TENM3: variants seen among roughly 807,000 people sequenced by gnomAD.
The protein encoded by TENM3 is teneurin transmembrane protein 3.
Under a neutral mutation model 255.1 loss-of-function variants are expected in TENM3, and 63 were observed. The ratio of observed to expected loss-of-function variants is 0.25; its 90% CI spans 0.20 to 0.30. The LOEUF is 0.30. Ranked by LOEUF, TENM3 falls within the 10% of genes least tolerant of loss-of-function variation. TENM3 has a pLI of 1.00. For synonymous variants in TENM3, 1,306 were observed against 1,322.3 expected (o/e 0.99, Z 0.27); for missense variants, 2,929 against 3,461.1 (o/e 0.85, Z 3.86).
chr4:182,257,013 A>C (rs536318679), intron 1 of TENM3, among the ~76,000 whole-genome samples: 4 of 152,112 alleles, frequency 2.6e-5, no homozygotes, highest in Non-Finnish European at 5.9e-5. Context: ...GGTAGTGAAT[A>C]TATTCAAGGT....
In TENM3 at chr4:182,729,114, C is replaced by A. The variant is rs2152708319; in HGVS notation, c.2518C>A (p.Arg840=). 1 of 1,613,928 alleles carries A rather than the reference C, an allele frequency of 6.2e-7. No individual in the cohort carries two copies. The highest frequency in any genetic ancestry group is 1.1e-5 in the South Asian group (1 of 91,078). Reference sequence around the variant, plus strand: ...GCAAGCTGCCAAATCCTTTTATGATCGAATCAGTTTCCTTATAGGATCTGA... The same window carrying A: ...GCAAGCTGCCAAATCCTTTTATGATAGAATCAGTTTCCTTATAGGATCTGA... ...SQQAAKSFYD[R]ISFLIGSDST... is the part of the protein sequence containing the mutation. Residue 840 remains arginine (R), a synonymous_variant, in exon 14 of 28, where the codon CGA becomes AGA. Coordinates refer to ENST00000511685, the MANE Select transcript of TENM3 (RefSeq NM_001080477.4).
chr4:182,059,613 A>T, the TENM3 span, among the ~76,000 whole-genome samples: 3 of 152,236 alleles, frequency 2.0e-5, no homozygotes, highest in South Asian at 6.2e-4. Flanking sequence ...TATTTCCTTA[A>T]GAATAGTCTG....
At chr4:181,900,342 A>G in the TENM3 span, among the ~76,000 whole-genome samples, 2 of 152,222 alleles carry the variant, frequency 1.3e-5, no homozygotes, top group African/African-American at 2.4e-5. Context: ...ATCATTCAAA[A>G]GTTCACAAAA....
chr4:182,783,538 A>T lies in TENM3; in HGVS notation c.5305-5555A>T, dbSNP rs535948699. Among the ~76,000 whole-genome samples the T allele has an allele frequency of 3.9e-4, 59 of 150,994 alleles. No individual in the cohort carries two copies. The East Asian group carries it at 0.011, about 29-fold the overall frequency. ...TGAATCTGACAATTATGTGTCTTGGAGTTGCTCTTCTCGAGGAGTATCTTT... is the reference window on the plus strand; with the variant it reads ...TGAATCTGACAATTATGTGTCTTGGTGTTGCTCTTCTCGAGGAGTATCTTT... On this transcript the variant is annotated intron_variant, in intron 24 of 27. Coordinates refer to ENST00000511685, the MANE Select transcript of TENM3 (RefSeq NM_001080477.4).
At chr4:181,928,381 C>T in the TENM3 span, among the ~76,000 whole-genome samples, 1 of 151,596 alleles carries the variant, frequency 6.6e-6, no homozygotes, top group African/African-American at 2.4e-5. Context: ...CTTCGTGAAG[C>T]ATACACAAGT....
At chr4:182,165,689 A>G (rs1318233136) in intron 1 of TENM3, among the ~76,000 whole-genome samples, 1 of 152,242 alleles carries the variant, frequency 6.6e-6, no homozygotes, top group Non-Finnish European at 1.5e-5. Context: ...TTATTGCAGC[A>G]TGCAGCACAT....
the TENM3 span, among the ~76,000 whole-genome samples, chr4:181,977,881 G>C: frequency 2.0e-5 from 3 of 152,118 alleles, no homozygotes; most frequent in Non-Finnish European, 4.4e-5. Flanking sequence ...ATAGGATAAC[G>C]TTCACAAGCT....
chr4:181,820,486 A>AAC, the TENM3 span, among the ~76,000 whole-genome samples: 10,527 of 147,902 alleles, frequency 0.071, 562 homozygotes, highest in Admixed American at 0.18. Context: ...ATTTTCTTTA[A>AAC]ACACACACAC....
chr4:181,716,942 T>C, the TENM3 span, among the ~76,000 whole-genome samples: 3 of 152,132 alleles, frequency 2.0e-5, no homozygotes, highest in African/African-American at 7.2e-5. Context: ...TTCTTTCGGT[T>C]TGGGATTATT....
the TENM3 span, among the ~76,000 whole-genome samples, chr4:182,120,052 A>G: frequency 6.7e-6 from 1 of 150,234 alleles, no homozygotes; most frequent in Non-Finnish European, 1.5e-5. Context: ...GTCCACTGAC[A>G]GTTTTTTCAT....
At chr4:182,718,408 G>A (rs1759383825) in intron 13 of TENM3, among the ~76,000 whole-genome samples, 1 of 152,002 alleles carries the variant, frequency 6.6e-6, no homozygotes, top group South Asian at 2.1e-4. Context: ...CTTCATGGTT[G>A]TGTGTGGCCT....
At chr4:182,014,661 C>T in the TENM3 span, among the ~76,000 whole-genome samples, 1 of 151,902 alleles carries the variant, frequency 6.6e-6, no homozygotes, top group Admixed American at 6.6e-5. Context: ...GCGAGCTGAT[C>T]CTGAGGTGAG....
At chr4:182,047,086 T>A in the TENM3 span, among the ~76,000 whole-genome samples, 3 of 151,940 alleles carry the variant, frequency 2.0e-5, no homozygotes. Flanking sequence ...AGCTTCTGAC[T>A]AGAAAGTTCT....
At chr4:181,602,854 A>G in the TENM3 span, among the ~76,000 whole-genome samples, 1 of 152,310 alleles carries the variant, frequency 6.6e-6, no homozygotes, top group Middle Eastern at 3.4e-3. Context: ...CATATGCCAC[A>G]TATCTGCTTT....
At chr4:182,448,800 GGGCGAGGGGGTGA>G (rs60353198) in intron 3 of TENM3, among the ~76,000 whole-genome samples, 2,893 of 151,760 alleles carry the variant, frequency 0.019, 27 homozygotes, top group Non-Finnish European at 0.024. Flanking sequence ...GTGTGGAGCG[GGGCGAGGGGGTGA>G]GGCGAGGGGG....
chr4:181,605,097 G>A, the TENM3 span, among the ~76,000 whole-genome samples: 1 of 152,076 alleles, frequency 6.6e-6, no homozygotes, highest in Admixed American at 6.5e-5. Context: ...ACAATGTTAT[G>A]TAACCCTATT....
At chr4:182,784,538 C>T (rs1205319304) in intron 24 of TENM3, among the ~76,000 whole-genome samples, 1 of 151,848 alleles carries the variant, frequency 6.6e-6, no homozygotes, top group East Asian at 1.9e-4. Context: ...AGAGGTGGAG[C>T]CTACAGAGGC....
the TENM3 span, among the ~76,000 whole-genome samples, chr4:181,796,419 A>C: frequency 1.3e-5 from 2 of 152,234 alleles, no homozygotes; most frequent in African/African-American, 2.4e-5. Context: ...CTGGGAGTTC[A>C]GCAGGAATAA....
At chr4:181,549,044 C>T in the TENM3 span, among the ~76,000 whole-genome samples, 1 of 152,268 alleles carries the variant, frequency 6.6e-6, no homozygotes, top group Non-Finnish European at 1.5e-5. Flanking sequence ...ACATTCTTCA[C>T]AAACATCCAT....
Sources: gnomAD v4.1 joint callset for allele counts (sites outside exome capture counted in the v4.1 genomes callset) on GRCh38, gnomAD v4.1.1 for gene constraint, MANE v1.5 for transcripts, NCBI Gene and HGNC (gene_info 2026-07-23, HGNC 2026-07-21) for gene names.